C1GALT1: variants seen among roughly 807,000 people sequenced by gnomAD.
The protein encoded by C1GALT1 is glycoprotein-N-acetylgalactosamine 3-beta-galactosyltransferase 1.
Under a neutral mutation model 31.0 loss-of-function variants are expected in C1GALT1, and 11 were observed. That is an observed-to-expected ratio of 0.36 (90% CI 0.22 to 0.59). The LOEUF is 0.59. C1GALT1 is among the 20% of genes least tolerant of loss of function. C1GALT1 has a pLI of 0.79. For synonymous variants in C1GALT1, 175 were observed against 143.6 expected, an observed-to-expected ratio of 1.22 and a Z score of -1.56; for missense variants, 424 against 425.2, an observed-to-expected ratio of 1.00 and a Z score of 0.03.
intron 1 of C1GALT1, among the ~76,000 whole-genome samples, chr7:7,187,147 A>G (rs1383187173): frequency 6.6e-6 from 1 of 152,234 alleles, no homozygotes; most frequent in Non-Finnish European, 1.5e-5. Context: ...AAAAACGCAC[A>G]GTAAATGGTT....
intron 1 of C1GALT1, among the ~76,000 whole-genome samples, chr7:7,195,325 G>A (rs1021571707): frequency 5.3e-5 from 8 of 152,038 alleles, no homozygotes; most frequent in Non-Finnish European, 7.4e-5. Context: ...TGAACTTTGC[G>A]TTTAGCACCA....
At chr7:7,207,631 TTTGTTAG>T (rs888336681) in intron 1 of C1GALT1, among the ~76,000 whole-genome samples, 1 of 152,056 alleles carries the variant, frequency 6.6e-6, no homozygotes, top group African/African-American at 2.4e-5. Context: ...TCAGGGACAA[TTTGTTAG>T]TTTATTTTCT....
rs373364972 is a variant in C1GALT1 at position 7,167,842 on chromosome 7, T to TTCTCC, written c.-18+10418_-18+10422dup. The stretch of plus-strand genomic sequence containing the variant: ...CTACTCCTATGAAGCAGCAAAAACA[T>TTCTCC]TCTCCTAGACTCAGAATGAGCAGCT... On this transcript the variant is annotated intron_variant, in intron 2 of 3. Coordinates refer to the C1GALT1 transcript ENST00000429911. Among the ~76,000 whole-genome samples the TTCTCC allele has an allele frequency of 3.5e-4, 53 of 152,266 alleles. No homozygotes were observed. The East Asian group carries it at 8.9e-3, about 25-fold the overall frequency.
intron 2 of C1GALT1, among the ~76,000 whole-genome samples, chr7:7,166,297 C>G (rs1780391757): frequency 6.6e-6 from 1 of 151,992 alleles, no homozygotes; most frequent in African/African-American, 2.4e-5. Flanking sequence ...GTGGTATATT[C>G]TTATAATAGA....
chr7:7,185,672 G>T (rs538726444), intron 1 of C1GALT1, among the ~76,000 whole-genome samples: 1 of 152,248 alleles, frequency 6.6e-6, no homozygotes, highest in South Asian at 2.1e-4. Flanking sequence ...GATACTAGTC[G>T]TATTGGATTA....
In C1GALT1 at chr7:7,246,522, A is replaced by G. The variant is rs139744919; in HGVS notation, c.*2795A>G. ...TTCAAATTTAAGCATGGGGCCCAAG[A>G]GTATGCATTCTTACCAGATACCTTG... On this transcript the variant is annotated 3_prime_UTR_variant, in exon 4 of 4. Coordinates refer to ENST00000436587, the MANE Select transcript of C1GALT1 (RefSeq NM_020156.5). 1.3e-4 allele frequency: 20 copies of G among 152,302 alleles called. No individual in the cohort carries two copies. The East Asian group carries it at 3.5e-3, about 26-fold the overall frequency. 9.4% of individuals were successfully genotyped at this position (152,302 alleles called of 1,614,324 possible).
At chr7:7,165,792 G>A (rs1157766571) in intron 2 of C1GALT1, among the ~76,000 whole-genome samples, 1 of 152,112 alleles carries the variant, frequency 6.6e-6, no homozygotes, top group Non-Finnish European at 1.5e-5. Flanking sequence ...GCATCAACAT[G>A]ATGCTACGAG....
chr7:7,236,335 G>A (rs1227183588), intron 2 of C1GALT1, among the ~76,000 whole-genome samples: 1 of 152,102 alleles, frequency 6.6e-6, no homozygotes, highest in Non-Finnish European at 1.5e-5. Flanking sequence ...TTACCTGAAT[G>A]AAACAGATTG....
chr7:7,220,094 G>A (rs1782442299), intron 1 of C1GALT1, among the ~76,000 whole-genome samples: 1 of 152,286 alleles, frequency 6.6e-6, no homozygotes, highest in East Asian at 1.9e-4. Flanking sequence ...TAGATTAAGA[G>A]TTGAGTGGCT....
intron 2 of C1GALT1, among the ~76,000 whole-genome samples, chr7:7,170,816 ATG>A (rs1780445845): frequency 6.6e-6 from 1 of 151,900 alleles, no homozygotes; most frequent in Non-Finnish European, 1.5e-5. Context: ...ATGTTTTAAT[ATG>A]TGTGTTTTCA....
chr7:7,183,150 C>T (rs922081972), intron 1 of C1GALT1, among the ~76,000 whole-genome samples: 2 of 152,084 alleles, frequency 1.3e-5, no homozygotes, highest in East Asian at 2.0e-4. Flanking sequence ...TGCCTGGCGG[C>T]GCGGCGGGGC....
chr7:7,207,575 AGTT>A (rs1257749154), intron 1 of C1GALT1, among the ~76,000 whole-genome samples: 3 of 151,522 alleles, frequency 2.0e-5, no homozygotes, highest in Non-Finnish European at 4.4e-5. Flanking sequence ...TTTTTCAGAA[AGTT>A]GTTTTATAGT....
At chr7:7,242,006 C>T (rs1328835843) in intron 3 of C1GALT1, among the ~76,000 whole-genome samples, 1 of 151,784 alleles carries the variant, frequency 6.6e-6, no homozygotes, top group Non-Finnish European at 1.5e-5. Flanking sequence ...TGGTCTAGTC[C>T]TTAAGTTTAA....
At chr7:7,211,531 A>G (rs1330934131) in intron 1 of C1GALT1, among the ~76,000 whole-genome samples, 1 of 152,222 alleles carries the variant, frequency 6.6e-6, no homozygotes. Flanking sequence ...AACTCTGTCC[A>G]ATATTTCAGT....
intron 1 of C1GALT1, among the ~76,000 whole-genome samples, chr7:7,197,877 C>G (rs1298943763): frequency 2.6e-5 from 4 of 152,178 alleles, no homozygotes; most frequent in African/African-American, 9.7e-5. Flanking sequence ...GTGATTTTTG[C>G]ACATTGATTT....
chr7:7,247,824 T>A lies in C1GALT1; in HGVS notation c.*4097T>A, dbSNP rs1754858800. The A allele has an allele frequency of 6.6e-6, 1 of 152,090 alleles. No homozygotes were observed. The highest frequency in any genetic ancestry group is 1.5e-5 in the Non-Finnish European group (1 of 67,914). 9.4% of individuals were successfully genotyped at this position (152,090 alleles called of 1,614,324 possible). On this transcript the variant is annotated 3_prime_UTR_variant, in exon 4 of 4. Transcript: ENST00000436587. ...GGCTGTTAATAGTGATTAGAATTTT[T>A]ATCACTTAATTGATAATTTTAAGCC... is the stretch of plus-strand genomic sequence containing the variant.
intron 2 of C1GALT1, among the ~76,000 whole-genome samples, chr7:7,176,289 GAAA>G (rs371682219): frequency 6.8e-6 from 1 of 147,772 alleles, no homozygotes; most frequent in Non-Finnish European, 1.5e-5. Flanking sequence ...CTTGAAATAA[GAAA>G]AAAAAAATGC....
At chr7:7,224,107 C>A (rs931730834) in intron 1 of C1GALT1, among the ~76,000 whole-genome samples, 3 of 152,136 alleles carry the variant, frequency 2.0e-5, no homozygotes, top group African/African-American at 4.8e-5. Context: ...ATAAACTCTA[C>A]TTGGTCATAA....
At chr7:7,234,248 C>T (rs1008167112) in intron 1 of C1GALT1, 55 bp from the exon 2 acceptor site, 30 of 1,298,974 alleles carry the variant, frequency 2.3e-5, no homozygotes, top group Non-Finnish European at 2.7e-5. Context: ...ATTTTTACTC[C>T]GGTTATGTAT....
Sources: gnomAD v4.1 joint callset for allele counts (sites outside exome capture counted in the v4.1 genomes callset) on GRCh38, gnomAD v4.1.1 for gene constraint, MANE v1.5 for transcripts, NCBI Gene and HGNC (gene_info 2026-07-23, HGNC 2026-07-21) for gene names.